Variants in SRPK2 observed in about 807,000 individuals in gnomAD.
The protein encoded by SRPK2 is SRSF protein kinase 2.
Under a neutral mutation model 90.8 loss-of-function variants are expected in SRPK2, and 21 were observed. The ratio of observed to expected loss-of-function variants is 0.23; its 90% CI spans 0.16 to 0.33. SRPK2 has a LOEUF of 0.33. Among genes scored for constraint, SRPK2 ranks in the 10% least tolerant of loss-of-function variants. The pLI is 1.00. For missense variants in SRPK2, 620 were observed against 869.0 expected, an observed-to-expected ratio of 0.71 and a Z score of 3.60; for synonymous variants, 288 against 311.1, an observed-to-expected ratio of 0.93 and a Z score of 0.78.
chr7:105,307,447 A>G (rs950432184), intron 2 of SRPK2, among the ~76,000 whole-genome samples: 1 of 152,244 alleles, frequency 6.6e-6, no homozygotes, highest in Non-Finnish European at 1.5e-5. Flanking sequence ...ATCACTGACC[A>G]GCAGGAGAGA....
At chr7:105,298,055 C>T (rs1204066450) in intron 2 of SRPK2, among the ~76,000 whole-genome samples, 2 of 152,226 alleles carry the variant, frequency 1.3e-5, no homozygotes, top group East Asian at 1.9e-4. Flanking sequence ...TTTTTATATA[C>T]AGTAATATTC....
chr7:105,300,646 A>G (rs1369761462), intron 2 of SRPK2, among the ~76,000 whole-genome samples: 1 of 152,222 alleles, frequency 6.6e-6, no homozygotes, highest in Non-Finnish European at 1.5e-5. Flanking sequence ...AGAATCTACA[A>G]AGAACTTAAA....
At chr7:105,397,477 A>G (rs974455060) in intron 1 of SRPK2, among the ~76,000 whole-genome samples, 1 of 147,200 alleles carries the variant, frequency 6.8e-6, no homozygotes, top group Non-Finnish European at 1.5e-5. Context: ...CTATAGGCAC[A>G]CGCCACCATG....
At chr7:105,300,067 C>T (rs11769318) in intron 2 of SRPK2, among the ~76,000 whole-genome samples, 26,179 of 151,546 alleles carry the variant, frequency 0.17, 3,048 homozygotes, top group East Asian at 0.64. Context: ...ATTTTTAAAA[C>T]ACAGTATTAG....
intron 3 of SRPK2, among the ~76,000 whole-genome samples, chr7:105,174,723 T>C (rs999222975): frequency 6.6e-6 from 1 of 152,166 alleles, no homozygotes; most frequent in African/African-American, 2.4e-5. Context: ...GAACACACTA[T>C]CAACCAGCTT....
intron 7 of SRPK2, among the ~76,000 whole-genome samples, chr7:105,155,887 A>G (rs1806422035): frequency 6.6e-6 from 1 of 152,256 alleles, no homozygotes; most frequent in Non-Finnish European, 1.5e-5. Context: ...AACTACCTAC[A>G]AAATAAAACC....
At chr7:105,160,415 T>A in intron 7 of SRPK2, 92 bp downstream of exon 7, 2 of 702,918 alleles carry the variant, frequency 2.8e-6, no homozygotes, top group South Asian at 3.5e-5. Flanking sequence ...CTGATACATA[T>A]GTAATACATA....
At chr7:105,127,478 G>A (rs1028548871) in intron 13 of SRPK2, among the ~76,000 whole-genome samples, 11 of 152,194 alleles carry the variant, frequency 7.2e-5, no homozygotes, top group Admixed American at 1.3e-4. Flanking sequence ...ACACTGCTGC[G>A]TCTTTTAGGC....
At chr7:105,367,067 G>GTT (rs57405823) in intron 2 of SRPK2, among the ~76,000 whole-genome samples, 2 of 143,440 alleles carry the variant, frequency 1.4e-5, no homozygotes, top group African/African-American at 5.1e-5. Flanking sequence ...CTTTTTTTTT[G>GTT]TTTTTTTTTT....
intron 2 of SRPK2, among the ~76,000 whole-genome samples, chr7:105,347,949 A>C (rs1288247954): frequency 6.6e-6 from 1 of 152,092 alleles, no homozygotes; most frequent in African/African-American, 2.4e-5. Context: ...ACTACTCATG[A>C]AAGACAGCTG....
chr7:105,253,891 T>C (rs983829253), intron 2 of SRPK2, among the ~76,000 whole-genome samples: 3 of 103,062 alleles, frequency 2.9e-5, no homozygotes, highest in Non-Finnish European at 6.2e-5. Flanking sequence ...TACATCTTTA[T>C]TTTAAAAAAA....
intron 2 of SRPK2, among the ~76,000 whole-genome samples, chr7:105,371,986 T>A (rs919577721): frequency 2.0e-5 from 3 of 151,752 alleles, no homozygotes; most frequent in Admixed American, 1.3e-4. Flanking sequence ...TACAAAAAAA[T>A]TAGCCAGGCG....
intron 3 of SRPK2, among the ~76,000 whole-genome samples, chr7:105,178,696 C>T (rs1056083155): frequency 6.6e-6 from 1 of 151,990 alleles, no homozygotes; most frequent in Non-Finnish European, 1.5e-5. Context: ...GTGGCGCATG[C>T]GTATGATCCC....
chr7:105,388,911 G>A lies in SRPK2; in HGVS notation c.-105C>T. On this transcript the variant is annotated 5_prime_UTR_variant, in exon 1 of 16. Coordinates refer to ENST00000393651, the MANE Select transcript of SRPK2 (RefSeq NM_182692.3). ...CGCTCCGCCGGCCGGGAGGAGACGAGAACCGCGCCTGCGCCGCCGCCGCCG... is the reference window on the plus strand; with the variant it reads ...CGCTCCGCCGGCCGGGAGGAGACGAAAACCGCGCCTGCGCCGCCGCCGCCG... The A allele has an allele frequency of 4.1e-6, 5 of 1,222,790 alleles. No individual in the cohort carries two copies. The highest frequency in any genetic ancestry group is 5.1e-6 in the Non-Finnish European group (5 of 984,758). The allele number at this position is 1,222,790 out of a possible 1,614,324, so 75.7% of individuals were successfully genotyped here.
chr7:105,229,333 G>A (rs1209019480), intron 2 of SRPK2, among the ~76,000 whole-genome samples: 1 of 152,114 alleles, frequency 6.6e-6, no homozygotes, highest in South Asian at 2.1e-4. Context: ...GCATAGCGGC[G>A]GGCGCCTGTA....
intron 3 of SRPK2, among the ~76,000 whole-genome samples, chr7:105,196,681 T>C (rs1304750135): frequency 6.6e-6 from 1 of 152,236 alleles, no homozygotes; most frequent in Admixed American, 6.5e-5. Context: ...AAATATTTCT[T>C]TTGTTTGTTA....
At position 105,290,900 on chromosome 7, in the gene SRPK2, C is replaced by T. The variant is rs970498145; in HGVS notation, c.72-87115G>A. Among the ~76,000 whole-genome samples the T allele has an allele frequency of 5.9e-4, 88 of 149,130 alleles. 1 individual carries two copies. The highest frequency in any genetic ancestry group is 5.3e-3 in the Admixed American group (79 of 14,974). ...AAAAATACAAAAAATTGGCCGGGCG[C>T]GGTGGCGGGCGCCTGTAGTCCCAGC... On this transcript the variant is annotated intron_variant, in intron 2 of 15. Transcript: ENST00000393651.
At chr7:105,348,401 A>G (rs1204080) in intron 2 of SRPK2, among the ~76,000 whole-genome samples, 108,840 of 149,820 alleles carry the variant, frequency 0.73, 40,007 homozygotes, top group African/African-American at 0.84. Context: ...ATTTGGTATA[A>G]AATGCCTTTG....
chr7:105,321,115 G>A (rs1227703953), intron 2 of SRPK2, among the ~76,000 whole-genome samples: 2 of 152,112 alleles, frequency 1.3e-5, no homozygotes, highest in Non-Finnish European at 2.9e-5. Flanking sequence ...TTGCAGATGT[G>A]AGTCACTGCA....
Sources: gnomAD v4.1 joint callset for allele counts (sites outside exome capture counted in the v4.1 genomes callset) on GRCh38, gnomAD v4.1.1 for gene constraint, MANE v1.5 for transcripts, NCBI Gene and HGNC (gene_info 2026-07-23, HGNC 2026-07-21) for gene names.